SELP: variants seen among roughly 807,000 people sequenced by gnomAD.
The protein encoded by SELP is P-selectin.
A neutral mutation model predicts 104.1 loss-of-function variants in SELP; 92 were observed. The observed-to-expected ratio is 0.88, with a 90% CI of 0.75 to 1.05. The LOEUF is 1.05. Ranked by LOEUF, SELP falls within the 50% of genes least tolerant of loss-of-function variation. The probability of loss-of-function intolerance (pLI) is 0.00; values close to 1 mark genes in which losing one functional copy is unlikely to be tolerated. For synonymous variants in SELP, 397 were observed against 364.5 expected, an observed-to-expected ratio of 1.09 and a Z score of -1.01; for missense variants, 1,022 against 1,017.3, an observed-to-expected ratio of 1.00 and a Z score of -0.06.
At chr1:169,622,640 G>T (rs1663192247) in intron 1 of SELP, among the ~76,000 whole-genome samples, 1 of 152,116 alleles carries the variant, frequency 6.6e-6, no homozygotes, top group East Asian at 1.9e-4. Flanking sequence ...ATTTAATTGT[G>T]TACTGAAAGT....
intron 8 of SELP, 62 bp from the exon 9 acceptor site, chr1:169,607,196 A>G: frequency 7.4e-7 from 1 of 1,356,516 alleles, no homozygotes; most frequent in Non-Finnish European, 9.8e-7. Flanking sequence ...TTGATTTTTG[A>G]CCATTAACTC....
Position 169,616,760 on chromosome 1 carries a change from C to T in SELP, c.481+268G>A, listed in dbSNP as rs185500948. Among the ~76,000 whole-genome samples the T allele has an allele frequency of 8.4e-4, 128 of 152,272 alleles. 1 individual carries two copies. Among genetic ancestry groups the T allele is most frequent in the Non-Finnish European group, 1.5e-3 (105 of 68,014 alleles). On this transcript the variant is annotated intron_variant, in intron 3 of 16. Transcript: ENST00000263686. ...CCACGGCCTTGAGAAACTAAAACCT[C>T]GTGAGTGTCCTTTTCATCAGTTATA...
chr1:169,625,476 G>A (rs937826934), intron 1 of SELP, among the ~76,000 whole-genome samples: 3 of 152,052 alleles, frequency 2.0e-5, no homozygotes, highest in Admixed American at 1.3e-4. Context: ...CAGCATCTCC[G>A]TTTCTGAATA....
intron 1 of SELP, among the ~76,000 whole-genome samples, chr1:169,627,222 C>T (rs186614018): frequency 9.9e-5 from 15 of 152,150 alleles, no homozygotes; most frequent in African/African-American, 1.7e-4. Context: ...TGTTTCTGGA[C>T]GGTGGTGGTG....
chr1:169,609,753 A>C (rs527970448), intron 7 of SELP, 64 bp from the exon 8 acceptor site: 1 of 1,452,216 alleles, frequency 6.9e-7, no homozygotes, highest in Middle Eastern at 1.9e-4. Context: ...CTCAGAAAAA[A>C]TTCCTAGATG....
Position 169,594,742 on chromosome 1 carries a change from G to A in SELP, c.2237C>T (p.Thr746Ile), listed in dbSNP as rs954221578. ...EGQLLNGSAQ[T>I]ACQENGHWST... Reference sequence around the variant, plus strand: ...CCAGTGGCCATTCTCTTGGCATGCTGTTTGTGCAGAGCCATTAAGTAACTG... The same window carrying A: ...CCAGTGGCCATTCTCTTGGCATGCTATTTGTGCAGAGCCATTAAGTAACTG... The change falls in exon 13 of 17, where the codon ACA (threonine) becomes ATA (isoleucine). Residue 746 changes from threonine to isoleucine, a missense_variant. Thr to Ile is a moderately conservative substitution (Grantham distance 89). Transcript: ENST00000263686. The A allele has an allele frequency of 6.2e-7, 1 of 1,613,706 alleles. No homozygotes were observed. The highest frequency in any genetic ancestry group is 8.5e-7 in the Non-Finnish European group (1 of 1,179,816).
At chr1:169,594,237 A>G (rs1004530763) in intron 13 of SELP, among the ~76,000 whole-genome samples, 9 of 152,210 alleles carry the variant, frequency 5.9e-5, no homozygotes, top group Non-Finnish European at 1.2e-4. Context: ...AAAGGCAGTC[A>G]GGACAAGCTA....
intron 1 of SELP, among the ~76,000 whole-genome samples, chr1:169,624,730 T>C (rs1462585271): frequency 3.3e-5 from 5 of 152,090 alleles, no homozygotes; most frequent in Admixed American, 6.5e-5. Flanking sequence ...AGAGTGAGAC[T>C]CTTTCTCAAA....
At chr1:169,611,364 G>C (rs1662520895) in intron 7 of SELP, 128 bp downstream of exon 7, 5 of 862,734 alleles carry the variant, frequency 5.8e-6, no homozygotes, top group Non-Finnish European at 9.0e-6. Flanking sequence ...ATGGTTCCTG[G>C]AGGTTGAAGA....
rs10603647 is a variant in SELP, at chr1:169,620,379, C to CTTT, written c.4-1163_4-1161dup. The stretch of plus-strand genomic sequence containing the variant: ...ACAAGAAAGAGCTCTTTCCACTGTA[C>CTTT]TTTTTTTTTTTTTTTTTTTTAACCT... On this transcript the variant is annotated intron_variant, in intron 1 of 16. Coordinates refer to ENST00000263686, the MANE Select transcript of SELP (RefSeq NM_003005.4). 2.2e-3 allele frequency among the ~76,000 whole-genome samples: 285 copies of CTTT among 130,204 alleles called. 1 individual carries two copies. Among genetic ancestry groups the CTTT allele is most frequent in the African/African-American group, 8.2e-3 (279 of 34,168 alleles). 85.4% of individuals were successfully genotyped at this position (130,204 alleles called of 152,430 possible).
intron 14 of SELP, among the ~76,000 whole-genome samples, chr1:169,592,502 A>G (rs1403959819): frequency 1.3e-5 from 2 of 152,154 alleles, no homozygotes; most frequent in East Asian, 1.9e-4. Flanking sequence ...GTTACTTTCT[A>G]TGAGGAGTGA....
rs530835294 is a variant in SELP at position 169,613,809 on chromosome 1, A to G, written c.482-116T>C. The G allele has an allele frequency of 5.0e-6, 4 of 792,098 alleles. No homozygotes were observed. The East Asian group carries it at 7.9e-5, about 16-fold the overall frequency. 49.1% of individuals were successfully genotyped at this position (792,098 alleles called of 1,614,324 possible). ...CAGATAGGACTGAGCTAGCCAGACA[A>G]GAGGGAAGCACAGTATCTTCTAGAG... On this transcript the variant is annotated intron_variant, in intron 3 of 16. Transcript: ENST00000263686.
At position 169,612,983 on chromosome 1, in the gene SELP, T is replaced by C. The variant is rs781153840; in HGVS notation, c.721A>G (p.Lys241Glu). Reference protein sequence around the residue: ...TDGYQVNGPSKLECLASGIWT... With the variant: ...TDGYQVNGPSELECLASGIWT... ...ATTCCAGAAGCCAAGCATTCCAGCTTGCTGGGCCCATTTACTTGGTACCCG... is the reference window on the plus strand; with the variant it reads ...ATTCCAGAAGCCAAGCATTCCAGCTCGCTGGGCCCATTTACTTGGTACCCG... The change falls in exon 5 of 17, where the codon AAG becomes GAG. Residue 241 changes from lysine to glutamate, a missense_variant. Physicochemically the swap from Lys to Glu is moderately conservative, Grantham distance 56. Transcript: ENST00000263686. 37 of 1,613,626 alleles carry C rather than the reference T, an allele frequency of 2.3e-5. No individual in the cohort carries two copies. The highest frequency in any genetic ancestry group is 3.0e-5 in the Non-Finnish European group (35 of 1,179,724).
In SELP at chr1:169,590,809, T is replaced by A. The variant is rs551390449; in HGVS notation, c.2439-607A>T. On this transcript the variant is annotated intron_variant, in intron 15 of 16. Coordinates refer to ENST00000263686, the MANE Select transcript of SELP (RefSeq NM_003005.4). The stretch of plus-strand genomic sequence containing the variant: ...TCCCTTTTTGAAAACTATTGCTAGA[T>A]TATAAATAGCAAGGGGTACAGGACA... Among the ~76,000 whole-genome samples, 7 of 135,454 alleles carry A rather than the reference T, an allele frequency of 5.2e-5. No individual in the cohort carries two copies. The East Asian group carries it at 1.4e-3, about 27-fold the overall frequency. 88.9% of individuals were successfully genotyped at this position (135,454 alleles called of 152,430 possible).
At chr1:169,624,556 C>T (rs1030484109) in intron 1 of SELP, among the ~76,000 whole-genome samples, 1 of 152,144 alleles carries the variant, frequency 6.6e-6, no homozygotes, top group Non-Finnish European at 1.5e-5. Context: ...TCGAGAACAG[C>T]CTGGCAACAT....
intron 14 of SELP, among the ~76,000 whole-genome samples, chr1:169,592,471 A>G (rs1293194803): frequency 1.3e-5 from 2 of 152,202 alleles, no homozygotes; most frequent in African/African-American, 2.4e-5. Flanking sequence ...TGAGCAATTA[A>G]TGGTCTCTCT....
intron 5 of SELP, among the ~76,000 whole-genome samples, 194 bp from the exon 6 acceptor site, chr1:169,612,596 G>C (rs1486800060): frequency 6.6e-6 from 1 of 152,108 alleles, no homozygotes; most frequent in Non-Finnish European, 1.5e-5. Context: ...GAGAAGTTAG[G>C]TAAAATTATC....
rs142224750 is a variant in SELP, at chr1:169,609,593, C to T, written c.1244G>A (p.Arg415His). 1.6e-4 allele frequency: 263 copies of T among 1,614,048 alleles called. No individual in the cohort carries two copies. The highest frequency in any genetic ancestry group is 5.9e-4 in the South Asian group (54 of 91,074). ...TCTCAGCATGAAACCTTCAGCACAG[C>T]GGAAGCTACAGTTGGTGTCATACTG... ...AFQYDTNCSF[R>H]CAEGFMLRGA... Residue 415 changes from arginine (R) to histidine (H), a missense_variant, in exon 8 of 17, where the codon CGC becomes CAC. By Grantham distance (29) the Arg-to-His change is conservative (BLOSUM62 0). Transcript: ENST00000263686.
intron 1 of SELP, among the ~76,000 whole-genome samples, chr1:169,623,273 A>T (rs3917676): frequency 6.6e-6 from 1 of 152,194 alleles, no homozygotes; most frequent in East Asian, 1.9e-4. Context: ...CCCTGAACAG[A>T]GTATTTCTAG....
Sources: gnomAD v4.1 joint callset for allele counts (sites outside exome capture counted in the v4.1 genomes callset) on GRCh38, gnomAD v4.1.1 for gene constraint, MANE v1.5 for transcripts, NCBI Gene and HGNC (gene_info 2026-07-23, HGNC 2026-07-21) for gene names.